USH2A: variants seen among roughly 807,000 people sequenced by gnomAD.
USH2A encodes Usher syndrome 2A (autosomal recessive, mild).
USH2A carries 443 observed loss-of-function variants against 538.9 expected under a neutral mutation model. The observed-to-expected ratio is 0.82, with a 90% CI of 0.76 to 0.89. USH2A has a LOEUF of 0.89. Ranked by LOEUF, USH2A falls within the 40% of genes least tolerant of loss-of-function variation. The probability of loss-of-function intolerance (pLI) is 0.00; values close to 1 mark genes in which losing one functional copy is unlikely to be tolerated. For missense variants in USH2A, 6,633 were observed against 6,324.8 expected (o/e 1.05, Z -1.65); for synonymous variants, 2,413 against 2,273.5 (o/e 1.06, Z -1.75).
chr1:216,415,774 C>T (rs533763828), intron 3 of USH2A, among the ~76,000 whole-genome samples: 58 of 152,152 alleles, frequency 3.8e-4, no homozygotes, highest in African/African-American at 1.2e-3. Flanking sequence ...TATCCGTTCA[C>T]TTCTACCTCC....
intron 61 of USH2A, among the ~76,000 whole-genome samples, chr1:215,725,558 T>A (rs1659788348): frequency 6.6e-6 from 1 of 152,226 alleles, no homozygotes; most frequent in Non-Finnish European, 1.5e-5. Context: ...TTTCTTGGTG[T>A]ATCTAATGAA....
At chr1:215,875,283 A>C (rs2102448167) in intron 43 of USH2A, among the ~76,000 whole-genome samples, 1 of 151,770 alleles carries the variant, frequency 6.6e-6, no homozygotes, top group South Asian at 2.1e-4. Context: ...GTTAAGAAGA[A>C]ATGCTTTTTT....
chr1:215,895,425 A>C (rs1026225223), intron 40 of USH2A, among the ~76,000 whole-genome samples: 1 of 152,168 alleles, frequency 6.6e-6, no homozygotes, highest in African/African-American at 2.4e-5. Flanking sequence ...TTCACAGAGG[A>C]AGTGACACTT....
At chr1:215,715,835 G>A (rs1420843919) in intron 61 of USH2A, among the ~76,000 whole-genome samples, 1 of 152,186 alleles carries the variant, frequency 6.6e-6, no homozygotes, top group African/African-American at 2.4e-5. Context: ...TGGTTAAACT[G>A]TAATTTACAC....
chr1:215,968,019 G>A (rs1667398152), intron 36 of USH2A, among the ~76,000 whole-genome samples: 1 of 151,836 alleles, frequency 6.6e-6, no homozygotes, highest in Non-Finnish European at 1.5e-5. Flanking sequence ...AGAAAGCAAA[G>A]TGATTTTCTT....
At chr1:215,713,096 A>G (rs920201155) in intron 61 of USH2A, among the ~76,000 whole-genome samples, 12 of 152,180 alleles carry the variant, frequency 7.9e-5, no homozygotes, top group Admixed American at 7.9e-4. Context: ...CATGAGCCAC[A>G]GCGCCCGGCC....
intron 61 of USH2A, among the ~76,000 whole-genome samples, chr1:215,721,159 C>T (rs539760809): frequency 7.2e-5 from 11 of 152,136 alleles, no homozygotes; most frequent in Non-Finnish European, 1.5e-4. Flanking sequence ...TCTGCAGCCT[C>T]CACCTCCCGG....
chr1:215,734,276 T>C (rs965940417), intron 60 of USH2A, among the ~76,000 whole-genome samples: 1 of 151,892 alleles, frequency 6.6e-6, no homozygotes, highest in Non-Finnish European at 1.5e-5. Context: ...GCAGCAAGAG[T>C]AGTCAGGATG....
At chr1:216,332,329 T>C (rs922712597) in intron 4 of USH2A, among the ~76,000 whole-genome samples, 4 of 152,118 alleles carry the variant, frequency 2.6e-5, no homozygotes, top group Non-Finnish European at 5.9e-5. Context: ...CTGCTTAACA[T>C]TGCAGTTGAC....
chr1:215,721,973 G>A (rs1417908160), intron 61 of USH2A, among the ~76,000 whole-genome samples: 1 of 151,912 alleles, frequency 6.6e-6, no homozygotes, highest in Non-Finnish European at 1.5e-5. Context: ...GCTGAGGAGG[G>A]AGGATCACTT....
intron 50 of USH2A, among the ~76,000 whole-genome samples, chr1:215,795,997 A>G (rs1042796490): frequency 3.3e-5 from 4 of 119,492 alleles, no homozygotes; most frequent in African/African-American, 1.3e-4. Flanking sequence ...TAACATATTT[A>G]TGAAAATAAA....
intron 47 of USH2A, among the ~76,000 whole-genome samples, chr1:215,836,480 A>ATGT (rs370092518): frequency 1.2e-4 from 1 of 8,446 alleles, no homozygotes; most frequent in South Asian, 6.7e-3. Context: ...ATATATATAT[A>ATGT]ATATATATTA....
At chr1:215,819,206 T>C (rs976969740) in intron 47 of USH2A, among the ~76,000 whole-genome samples, 1 of 151,862 alleles carries the variant, frequency 6.6e-6, no homozygotes, top group Non-Finnish European at 1.5e-5. Flanking sequence ...TCACAACTTA[T>C]GTTGGATGCT....
At chr1:216,081,769 T>G (rs927773119) in intron 26 of USH2A, among the ~76,000 whole-genome samples, 2 of 151,920 alleles carry the variant, frequency 1.3e-5, no homozygotes, top group Non-Finnish European at 2.9e-5. Context: ...TTTATTTTTA[T>G]TTTCATAGAA....
chr1:216,102,225 C>T (rs2032599245), intron 21 of USH2A, among the ~76,000 whole-genome samples: 2 of 151,406 alleles, frequency 1.3e-5, no homozygotes, highest in African/African-American at 4.8e-5. Flanking sequence ...CATTAGTCAT[C>T]TGAGAAATGC....
chr1:216,274,120 G>T (rs1200804516), intron 11 of USH2A, among the ~76,000 whole-genome samples: 1 of 152,004 alleles, frequency 6.6e-6, no homozygotes, highest in Non-Finnish European at 1.5e-5. Flanking sequence ...CTCTGCCACT[G>T]CACCAAGTCA....
intron 20 of USH2A, among the ~76,000 whole-genome samples, chr1:216,187,057 C>G (rs1011369643): frequency 7.9e-5 from 12 of 151,986 alleles, no homozygotes; most frequent in African/African-American, 2.9e-4. Flanking sequence ...GTGCCAGCCC[C>G]TAAAACAGAA....
chr1:215,625,894 T>G (rs753848373), intron 71 of USH2A, 24 bp from the exon 72 acceptor site: 2 of 1,598,040 alleles, frequency 1.3e-6, no homozygotes, highest in East Asian at 4.5e-5. Flanking sequence ...CAATCATCAT[T>G]GGCTACATAC....
intron 11 of USH2A, among the ~76,000 whole-genome samples, chr1:216,251,405 G>T (rs2036159021): frequency 6.9e-6 from 1 of 144,050 alleles, no homozygotes; most frequent in African/African-American, 2.5e-5. Context: ...ATAGAAAATA[G>T]TCAGCAGTTA....
Sources: gnomAD v4.1 joint callset for allele counts (sites outside exome capture counted in the v4.1 genomes callset) on GRCh38, gnomAD v4.1.1 for gene constraint, MANE v1.5 for transcripts, NCBI Gene and HGNC (gene_info 2026-07-23, HGNC 2026-07-21) for gene names.